PHLPP2: variants seen among roughly 807,000 people sequenced by gnomAD.
The protein encoded by PHLPP2 is PH domain leucine-rich repeat-containing protein phosphatase 2.
In PHLPP2, 66 loss-of-function variants were observed where a neutral mutation model predicts 124.9. That is an observed-to-expected ratio of 0.53 (90% CI 0.43 to 0.65). PHLPP2 has a LOEUF of 0.65. Among genes scored for constraint, PHLPP2 ranks in the 30% least tolerant of loss-of-function variants. The probability of loss-of-function intolerance (pLI) is 0.00; values close to 1 mark genes in which losing one functional copy is unlikely to be tolerated. For missense variants in PHLPP2, 1,685 were observed against 1,600.4 expected (o/e 1.05, Z -0.90); for synonymous variants, 681 against 624.7 (o/e 1.09, Z -1.34).
At chr16:71,654,217 A>AC (rs1266926091) in intron 17 of PHLPP2, among the ~76,000 whole-genome samples, 6 of 150,610 alleles carry the variant, frequency 4.0e-5, no homozygotes, top group Admixed American at 4.0e-4. Flanking sequence ...AAAAAAAAAA[A>AC]AAAAAAAAAA....
intron 2 of PHLPP2, among the ~76,000 whole-genome samples, chr16:71,711,167 T>C (rs950755770): frequency 6.6e-6 from 1 of 152,002 alleles, no homozygotes; most frequent in African/African-American, 2.4e-5. Context: ...CCGTCTCTAC[T>C]AAAAATACAG....
intron 1 of PHLPP2, among the ~76,000 whole-genome samples, chr16:71,720,232 G>A (rs993357829): frequency 4.0e-5 from 6 of 151,610 alleles, no homozygotes; most frequent in Admixed American, 2.0e-4. Flanking sequence ...GCCTCCCAAA[G>A]TGCTGGGATT....
At chr16:71,696,109 C>T (rs1239992654) in intron 3 of PHLPP2, among the ~76,000 whole-genome samples, 1 of 151,998 alleles carries the variant, frequency 6.6e-6, no homozygotes, top group Non-Finnish European at 1.5e-5. Context: ...AGAAAATACA[C>T]AATCATAAAA....
intron 13 of PHLPP2, among the ~76,000 whole-genome samples, chr16:71,662,781 G>A (rs2044803432): frequency 6.6e-6 from 1 of 151,718 alleles, no homozygotes; most frequent in African/African-American, 2.4e-5. Context: ...TCAGGTACTT[G>A]AGAGGCTGAG....
chr16:71,719,983 T>TTTTTTTTTTTTTTTTTTC (rs2045388080), intron 1 of PHLPP2, among the ~76,000 whole-genome samples: 1 of 139,408 alleles, frequency 7.2e-6, no homozygotes, highest in African/African-American at 2.7e-5. Flanking sequence ...TTTTTTTTTT[T>TTTTTTTTTTTTTTTTTTC]TTTTTGAGAC....
chr16:71,721,616 T>TAA (rs2045399289), intron 1 of PHLPP2, among the ~76,000 whole-genome samples: 1 of 150,002 alleles, frequency 6.7e-6, no homozygotes, highest in Non-Finnish European at 1.5e-5. Flanking sequence ...CTTTTTAAAT[T>TAA]TTTTTTGGCA....
intron 3 of PHLPP2, 105 bp downstream of exon 3, chr16:71,702,493 A>T: frequency 1.0e-6 from 1 of 972,700 alleles, no homozygotes; most frequent in South Asian, 2.0e-5. Context: ...AATTGGCTTA[A>T]AACTAGCTTT....
At chr16:71,723,145 G>C (rs2045408876) in intron 1 of PHLPP2, 1 of 152,268 alleles carries the variant, frequency 6.6e-6, no homozygotes, top group Non-Finnish European at 1.5e-5. Flanking sequence ...AACACGCCCA[G>C]CAAGTCCCCG....
At chr16:71,670,053 GCTCT>G (rs745978976) in intron 10 of PHLPP2, among the ~76,000 whole-genome samples, 1 of 152,124 alleles carries the variant, frequency 6.6e-6, no homozygotes, top group Non-Finnish European at 1.5e-5. Flanking sequence ...ATCAAAACAA[GCTCT>G]CTAAGAAATA....
intron 3 of PHLPP2, among the ~76,000 whole-genome samples, chr16:71,691,213 G>C (rs550449677): frequency 5.9e-4 from 90 of 152,216 alleles, no homozygotes; most frequent in Middle Eastern, 3.4e-3. Context: ...CAGCACTTTG[G>C]GGGGGCCAAG....
chr16:71,653,507 G>A (rs1223798150), intron 17 of PHLPP2, among the ~76,000 whole-genome samples: 1 of 152,090 alleles, frequency 6.6e-6, no homozygotes, highest in Non-Finnish European at 1.5e-5. Flanking sequence ...TAAGTTCCTC[G>A]AGGGAAGGAC....
intron 1 of PHLPP2, among the ~76,000 whole-genome samples, chr16:71,720,835 A>G (rs1247442900): frequency 6.6e-6 from 1 of 151,954 alleles, no homozygotes; most frequent in Non-Finnish European, 1.5e-5. Context: ...AGCATGGGCA[A>G]CAAGAGCGAA....
At chr16:71,662,247 T>C (rs1044321419) in intron 13 of PHLPP2, among the ~76,000 whole-genome samples, 1 of 151,476 alleles carries the variant, frequency 6.6e-6, no homozygotes, top group Non-Finnish European at 1.5e-5. Flanking sequence ...CTGGCCAATA[T>C]GGTGAAACCC....
At chr16:71,699,320 T>C (rs969116450) in intron 3 of PHLPP2, among the ~76,000 whole-genome samples, 1 of 152,270 alleles carries the variant, frequency 6.6e-6, no homozygotes, top group African/African-American at 2.4e-5. Context: ...AGTGTCTTTT[T>C]ACCAATCGAA....
chr16:71,723,681 G>C, intron 1 of PHLPP2: 1 of 567,542 alleles, frequency 1.8e-6, no homozygotes, highest in Non-Finnish European at 2.7e-6. Context: ...GGCGGGGGCG[G>C]CAGCGGCCTC....
At chr16:71,708,123 C>G (rs1292578106) in intron 2 of PHLPP2, among the ~76,000 whole-genome samples, 1 of 152,084 alleles carries the variant, frequency 6.6e-6, no homozygotes, top group Non-Finnish European at 1.5e-5. Context: ...CATTATCTCT[C>G]CATACCACCC....
chr16:71,680,547 A>G (rs2044987411), intron 6 of PHLPP2, among the ~76,000 whole-genome samples: 1 of 152,220 alleles, frequency 6.6e-6, no homozygotes, highest in Non-Finnish European at 1.5e-5. Context: ...AAGATGTTAA[A>G]GGTTTCATTA....
chr16:71,723,722 TGCCCGCTC>T (rs746332337), intron 1 of PHLPP2: 294 of 953,680 alleles, frequency 3.1e-4, no homozygotes, highest in Middle Eastern at 7.4e-4. Flanking sequence ...CTAGTCCGCT[TGCCCGCTC>T]GCCCGCTCGC....
chr16:71,675,941 G>A (rs1251181266), intron 9 of PHLPP2, among the ~76,000 whole-genome samples: 2 of 151,882 alleles, frequency 1.3e-5, no homozygotes, highest in African/African-American at 2.4e-5. Context: ...GGCTAATCTC[G>A]AACTCCTGAG....
Sources: gnomAD v4.1 joint callset for allele counts (sites outside exome capture counted in the v4.1 genomes callset) on GRCh38, gnomAD v4.1.1 for gene constraint, MANE v1.5 for transcripts, NCBI Gene and HGNC (gene_info 2026-07-23, HGNC 2026-07-21) for gene names.